Variants in ZNF528 observed in about 807,000 individuals in gnomAD.
ZNF528 encodes the protein zinc finger protein 528.
ZNF528 carries 9 observed loss-of-function variants against 13.3 expected under a neutral mutation model. The observed-to-expected ratio is 0.67, with a 90% CI of 0.41 to 1.18. The LOEUF (loss-of-function observed/expected upper bound fraction) is 1.18, where lower values mean the gene tolerates loss of function less well. Ranked by LOEUF, ZNF528 falls within the 50% of genes most tolerant of loss-of-function variation. The pLI is 0.01. For synonymous variants in ZNF528, 264 were observed against 254.3 expected (o/e 1.04, Z -0.36); for missense variants, 858 against 745.4 (o/e 1.15, Z -1.76).
chr19:52,403,749 G>C (rs987226409), intron 4 of ZNF528, among the ~76,000 whole-genome samples: 1 of 151,344 alleles, frequency 6.6e-6, no homozygotes, highest in African/African-American at 2.4e-5. Context: ...TAGTGTATAT[G>C]AGTGTGTAAG....
In ZNF528 at chr19:52,416,425, C is replaced by A. The variant is rs761190481; in HGVS notation, c.1573C>A (p.Gln525Lys). 1 of 1,613,866 alleles carries A rather than the reference C, an allele frequency of 6.2e-7. No individual in the cohort carries two copies. Among genetic ancestry groups the A allele is most frequent in the Admixed American group, 1.7e-5 (1 of 59,984 alleles). ...HTGEKPYKCN[Q>K]CGKVFNQASY... is the part of the protein sequence containing the mutation. ...AGGAGAAAAGCCTTACAAATGTAAT[C>A]AATGTGGCAAGGTCTTTAATCAAGC... The change falls in exon 7 of 7, where the codon CAA (glutamine) becomes AAA (lysine). Residue 525 changes from glutamine to lysine, a missense_variant. Gln to Lys is a moderately conservative substitution (Grantham distance 53, BLOSUM62 1). Transcript: ENST00000360465.
At chr19:52,410,052 C>G (rs1021627364) in intron 6 of ZNF528, among the ~76,000 whole-genome samples, 2 of 152,194 alleles carry the variant, frequency 1.3e-5, no homozygotes, top group African/African-American at 4.8e-5. Flanking sequence ...TCCATCCCCC[C>G]TTGGTTTCCC....
At chr19:52,414,084 C>T (rs981063871) in intron 6 of ZNF528, 275 of 617,232 alleles carry the variant, frequency 4.5e-4, no homozygotes, top group Non-Finnish European at 1.2e-4. Context: ...GAAAACTTCC[C>T]GTTCGCAGTA....
At chr19:52,414,567 T>A in intron 6 of ZNF528, 1 of 489,452 alleles carries the variant, frequency 2.0e-6, no homozygotes, top group East Asian at 3.8e-5. Context: ...GTAGATAATT[T>A]CAATGAGCAT....
intron 4 of ZNF528, among the ~76,000 whole-genome samples, chr19:52,405,505 T>C (rs959836712): frequency 6.6e-6 from 1 of 152,098 alleles, no homozygotes; most frequent in Non-Finnish European, 1.5e-5. Context: ...CACTCCAGTC[T>C]GGGTGACAGA....
intron 6 of ZNF528, 86 bp downstream of exon 6, chr19:52,406,729 G>A (rs1243083221): frequency 1.4e-5 from 21 of 1,489,642 alleles, no homozygotes; most frequent in South Asian, 1.2e-4. Context: ...GCTAGAGTGC[G>A]GTGGCAATCA....
chr19:52,409,943 G>A (rs533996989), intron 6 of ZNF528, among the ~76,000 whole-genome samples: 25 of 152,308 alleles, frequency 1.6e-4, no homozygotes, highest in African/African-American at 6.0e-4. Context: ...TCGAACTCCT[G>A]ACCTCAGGTG....
intron 6 of ZNF528, among the ~76,000 whole-genome samples, chr19:52,411,130 T>C (rs1358922525): frequency 6.6e-6 from 1 of 152,090 alleles, no homozygotes; most frequent in African/African-American, 2.4e-5. Context: ...ATATCATCCA[T>C]AAAATGAATG....
At chr19:52,401,884 G>T (rs1387457487) in intron 3 of ZNF528, 63 bp from the exon 4 acceptor site, 3 of 1,567,190 alleles carry the variant, frequency 1.9e-6, no homozygotes, top group Non-Finnish European at 2.6e-6. Flanking sequence ...TTTGTGTGTG[G>T]CTATGGCACA....
chr19:52,414,939 A>T (rs1568430230), intron 6 of ZNF528, 185 bp from the exon 7 acceptor site: 2 of 1,528,040 alleles, frequency 1.3e-6, no homozygotes, highest in Admixed American at 3.9e-5. Flanking sequence ...ACTCCTGCAG[A>T]TTCCCCACTG....
chr19:52,413,697 TC>T (rs1334019201), intron 6 of ZNF528: 1 of 152,546 alleles, frequency 6.6e-6, no homozygotes, highest in Non-Finnish European at 1.5e-5. Flanking sequence ...ATTTTTATCC[TC>T]CCTCTCCTGT....
chr19:52,407,073 T>C (rs537032787), intron 6 of ZNF528, among the ~76,000 whole-genome samples: 1 of 152,042 alleles, frequency 6.6e-6, no homozygotes, highest in Admixed American at 6.5e-5. Flanking sequence ...GCCTCCTGAA[T>C]AGCCGGGACT....
At position 52,409,914 on chromosome 19, in the gene ZNF528, C is replaced by T. The variant is rs571029101; in HGVS notation, c.271+3271C>T. On this transcript the variant is annotated intron_variant, in intron 6 of 6. Transcript: ENST00000360465. ...ATTTTTAGTAGAGACAGGGTTTCACCATGTTGGTCAGGCTGGTCTCGAACT... is the reference window on the plus strand; with the variant it reads ...ATTTTTAGTAGAGACAGGGTTTCACTATGTTGGTCAGGCTGGTCTCGAACT... 9.2e-5 allele frequency among the ~76,000 whole-genome samples: 14 copies of T among 152,240 alleles called. 1 individual carries two copies. In the South Asian group the frequency reaches 2.5e-3, roughly 27 times the overall value.
At chr19:52,401,256 C>T (rs1248694829) in intron 2 of ZNF528, among the ~76,000 whole-genome samples, 4 of 152,162 alleles carry the variant, frequency 2.6e-5, no homozygotes, top group Non-Finnish European at 5.9e-5. Flanking sequence ...TGAACTCCCC[C>T]AGACATGTTC....
In ZNF528 at chr19:52,415,399, GA is replaced by G; in HGVS notation, c.552del (p.Ala185LeufsTer21). On this transcript the variant is annotated frameshift_variant, in exon 7 of 7. Transcript: ENST00000360465. LOFTEE classifies it low-confidence loss of function (END_TRUNC). The stretch of plus-strand genomic sequence containing the variant: ...ACAAGAACAGAAAGCACACATTAGG[GA>G]AAAAGCTTATAAATGTAATGAGCAC... ...LPQEQKAHIR[E>X]KAYKCNEHGQ... 1 of 1,614,108 alleles carries G rather than the reference GA, an allele frequency of 6.2e-7. No individual in the cohort carries two copies. The highest frequency in any genetic ancestry group is 1.1e-5 in the South Asian group (1 of 91,080).
chr19:52,417,791 A>C lies in ZNF528; in HGVS notation c.*1052A>C, dbSNP rs142729789. Reference sequence around the variant, plus strand: ...GCCACCACACCCAGTTCATTTTTGTATTTTTAGTAGAGACAGTGTTTACCA... The same window carrying C: ...GCCACCACACCCAGTTCATTTTTGTCTTTTTAGTAGAGACAGTGTTTACCA... On this transcript the variant is annotated 3_prime_UTR_variant, in exon 7 of 7. Coordinates refer to ENST00000360465, the MANE Select transcript of ZNF528 (RefSeq NM_032423.3). 6.6e-6 allele frequency: 1 copy of C among 151,628 alleles called. No individual in the cohort carries two copies. The highest frequency in any genetic ancestry group is 2.0e-4 in the East Asian group (1 of 5,106). The allele number at this position is 151,628 out of a possible 1,614,324, so 9.4% of individuals were successfully genotyped here. A position where few individuals can be genotyped will look rare whatever the true frequency, so the allele number is the denominator to read the frequency against.
At position 52,404,244 on chromosome 19, in the gene ZNF528, T is replaced by C. The variant is rs2058828667; in HGVS notation, c.16-1663T>C. ...TATTCTTTCTTCTTTTGTTTGTTTTTTTAGGTGAAGTCTCGCTCTCTCACC... is the reference window on the plus strand; with the variant it reads ...TATTCTTTCTTCTTTTGTTTGTTTTCTTAGGTGAAGTCTCGCTCTCTCACC... On this transcript the variant is annotated intron_variant, in intron 4 of 6. Transcript: ENST00000360465. Among the ~76,000 whole-genome samples the C allele has an allele frequency of 5.9e-5, 9 of 152,210 alleles. No homozygotes were observed. The South Asian group carries it at 1.9e-3, about 31-fold the overall frequency.
chr19:52,414,848 C>G, intron 6 of ZNF528: 1 of 1,051,460 alleles, frequency 9.5e-7, no homozygotes. Flanking sequence ...GAGGCTCATC[C>G]CTGCTTCTTC....
intron 6 of ZNF528, chr19:52,412,415 T>G (rs776926195): frequency 1.1e-4 from 16 of 152,348 alleles, no homozygotes; most frequent in Admixed American, 5.2e-4. Context: ...GTGGGAATTT[T>G]GATAGGTTTG....
Sources: gnomAD v4.1 joint callset for allele counts (sites outside exome capture counted in the v4.1 genomes callset) on GRCh38, gnomAD v4.1.1 for gene constraint, MANE v1.5 for transcripts, NCBI Gene and HGNC (gene_info 2026-07-23, HGNC 2026-07-21) for gene names.